The following FBXO3 variants were observed in gnomAD, a reference collection of about 807,000 sequenced individuals.
FBXO3 encodes F-box protein 3.
A neutral mutation model predicts 64.8 loss-of-function variants in FBXO3; 17 were observed. The ratio of observed to expected loss-of-function variants is 0.26; its 90% CI spans 0.18 to 0.39. FBXO3 has a LOEUF of 0.39. Among genes scored for constraint, FBXO3 ranks in the 10% least tolerant of loss-of-function variants. The probability of loss-of-function intolerance (pLI) is 1.00; values close to 1 mark genes in which losing one functional copy is unlikely to be tolerated. For synonymous variants in FBXO3, 182 were observed against 201.6 expected (o/e 0.90, Z 0.82); for missense variants, 420 against 589.9 (o/e 0.71, Z 2.98).
chr11:33,774,396 G>T lies in FBXO3; in HGVS notation c.102C>A (p.Ile34=). The change falls in exon 1 of 11, where the codon ATC becomes ATA. Residue 34 remains isoleucine (I), a splice_region_variant and synonymous_variant. Transcript: ENST00000265651. ...ILSFLDYRDL[I]NCCYVSRRLS... Reference sequence around the variant, plus strand: ...TGCCATGCGTGTCGTCCCATTACTTGATTAGATCCCGATAGTCCAAAAAGG... The same window carrying T: ...TGCCATGCGTGTCGTCCCATTACTTTATTAGATCCCGATAGTCCAAAAAGG... 6.2e-7 allele frequency: 1 copy of T among 1,600,998 alleles called. No individual in the cohort carries two copies. Among genetic ancestry groups the T allele is most frequent in the Non-Finnish European group, 8.5e-7 (1 of 1,173,746 alleles).
intron 3 of FBXO3, among the ~76,000 whole-genome samples, chr11:33,762,450 G>GAC (rs1855266514): frequency 6.6e-6 from 1 of 152,082 alleles, no homozygotes. Flanking sequence ...AGTATATCCT[G>GAC]TGATCACAGT....
At chr11:33,765,229 A>G (rs1211900419) in intron 3 of FBXO3, among the ~76,000 whole-genome samples, 1 of 152,184 alleles carries the variant, frequency 6.6e-6, no homozygotes, top group East Asian at 1.9e-4. Context: ...GTAAAGGGTG[A>G]GGGGTGTATA....
chr11:33,757,929 C>CT (rs1327852841), intron 4 of FBXO3, among the ~76,000 whole-genome samples: 1 of 148,404 alleles, frequency 6.7e-6, no homozygotes, highest in African/African-American at 2.5e-5. Flanking sequence ...ATACTCCAGG[C>CT]TTGGGGACCG....
chr11:33,761,292 ATAATC>A (rs1239781360), intron 3 of FBXO3, among the ~76,000 whole-genome samples: 5 of 152,192 alleles, frequency 3.3e-5, no homozygotes, highest in African/African-American at 7.2e-5. Context: ...AATAGACTAA[ATAATC>A]TAATGAAAAG....
chr11:33,774,446 T>C lies in FBXO3; in HGVS notation c.52A>G (p.Thr18Ala). The C allele has an allele frequency of 6.2e-7, 1 of 1,601,246 alleles. No homozygotes were observed. The highest frequency in any genetic ancestry group is 8.5e-7 in the Non-Finnish European group (1 of 1,174,226). ...TAPLTLESLP[T>A]DPLLLILSFL... ...GATAAGATGAGGAGCAGGGGATCGG[T>C]GGGCAGCGACTCTAGGGTCAGCGGC... Residue 18 changes from threonine to alanine, a missense_variant, in exon 1 of 11, where the codon ACC (threonine) becomes GCC (alanine). Physicochemically the swap from Thr to Ala is moderately conservative, Grantham distance 58. Coordinates refer to ENST00000265651, the MANE Select transcript of FBXO3 (RefSeq NM_012175.4).
chr11:33,757,145 A>T (rs1365040972), intron 4 of FBXO3: 1 of 508,512 alleles, frequency 2.0e-6, no homozygotes, highest in Non-Finnish European at 3.9e-6. Flanking sequence ...TTCTTCACAT[A>T]CAAAGGAACA....
intron 3 of FBXO3, among the ~76,000 whole-genome samples, chr11:33,762,267 T>C (rs968290846): frequency 3.9e-5 from 6 of 152,314 alleles, no homozygotes; most frequent in African/African-American, 1.4e-4. Flanking sequence ...AGTAAGAGTG[T>C]AGAAGATTTG....
intron 5 of FBXO3, among the ~76,000 whole-genome samples, chr11:33,754,932 C>T (rs1323871454): frequency 1.3e-5 from 2 of 149,024 alleles, no homozygotes; most frequent in Non-Finnish European, 3.0e-5. Context: ...GTGGCTCGAT[C>T]TCAGCTCACT....
At chr11:33,773,888 G>T (rs956463602) in intron 1 of FBXO3, 1 of 153,348 alleles carries the variant, frequency 6.5e-6, no homozygotes, top group Non-Finnish European at 1.5e-5. Context: ...CGATTCTGGC[G>T]CTGGGGAAGT....
chr11:33,774,483 C>G lies in FBXO3; in HGVS notation c.15G>C (p.Glu5Asp). MAAMETETAPLTLES... is the reference protein window; with the variant it reads MAAMDTETAPLTLES... Reference sequence around the variant, plus strand: ...CTAGGGTCAGCGGCGCCGTCTCGGTCTCCATGGCCGCCATCTTGCCTGGCC... The same window carrying G: ...CTAGGGTCAGCGGCGCCGTCTCGGTGTCCATGGCCGCCATCTTGCCTGGCC... The change falls in exon 1 of 11, where the codon GAG becomes GAC. Residue 5 changes from glutamate to aspartate, a missense_variant. Coordinates refer to ENST00000265651, the MANE Select transcript of FBXO3 (RefSeq NM_012175.4). The G allele has an allele frequency of 6.4e-7, 1 of 1,573,630 alleles. No homozygotes were observed. The highest frequency in any genetic ancestry group is 2.4e-5 in the East Asian group (1 of 41,682).
Position 33,748,968 on chromosome 11 carries a change from G to C in FBXO3, c.933-76C>G, listed in dbSNP as rs905200201. 9.7e-6 allele frequency: 8 copies of C among 820,698 alleles called. No homozygotes were observed. In the Admixed American group the frequency reaches 1.0e-4, roughly 10 times the overall value. The allele number at this position is 820,698 out of a possible 1,614,324, so 50.8% of individuals were successfully genotyped here. ...TTTGGTTTAAGAGATACAGTATTCA[G>C]GCTAATACTATGAAGAAAAATTTCC... On this transcript the variant is annotated intron_variant, in intron 8 of 10. Transcript: ENST00000265651.
intron 10 of FBXO3, 138 bp downstream of exon 10, chr11:33,746,992 C>T: frequency 6.7e-7 from 1 of 1,486,900 alleles, no homozygotes; most frequent in East Asian, 2.5e-5. Flanking sequence ...AACAAATTCA[C>T]ATGACCCCCA....
intron 4 of FBXO3, among the ~76,000 whole-genome samples, chr11:33,756,275 CTGG>C (rs1401377003): frequency 2.0e-5 from 3 of 152,094 alleles, no homozygotes. Context: ...TATTGATTTG[CTGG>C]TGTTTTGCTA....
rs114813687 is a variant in FBXO3 at position 33,746,736 on chromosome 11, C to T, written c.1239+394G>A. ...AGACTGCCAAAAGTACACATCCACACATTAAATTTTCTTTATAATGATCTT... is the reference window on the plus strand; with the variant it reads ...AGACTGCCAAAAGTACACATCCACATATTAAATTTTCTTTATAATGATCTT... On this transcript the variant is annotated intron_variant, in intron 10 of 10. Transcript: ENST00000265651. 8,225 of 1,422,234 alleles carry T rather than the reference C, an allele frequency of 5.8e-3. 256 individuals carry two copies. In the African/African-American group the frequency reaches 0.083, roughly 14 times the overall value. The allele number at this position is 1,422,234 out of a possible 1,614,324, so 88.1% of individuals were successfully genotyped here.
chr11:33,754,623 T>A, intron 5 of FBXO3, 123 bp from the exon 6 acceptor site: 1 of 710,216 alleles, frequency 1.4e-6, no homozygotes, highest in Non-Finnish European at 2.2e-6. Context: ...GATAAGAAGA[T>A]ATATGGCTTG....
chr11:33,769,860 T>TG (rs1172434369), intron 2 of FBXO3, among the ~76,000 whole-genome samples: 3 of 150,196 alleles, frequency 2.0e-5, no homozygotes, highest in African/African-American at 7.3e-5. Flanking sequence ...GTGGGTTTTT[T>TG]TTTTTTTTTT....
At chr11:33,768,820 A>G (rs1179653675) in intron 3 of FBXO3, 31 bp downstream of exon 3, 6 of 1,613,264 alleles carry the variant, frequency 3.7e-6, no homozygotes, top group Non-Finnish European at 5.1e-6. Context: ...CAGTAATGGA[A>G]ACGGGGAAAG....
rs1855163701 is a variant in FBXO3 at position 33,758,549 on chromosome 11, C to T, written c.411G>A (p.Lys137=). 1 of 1,610,354 alleles carries T rather than the reference C, an allele frequency of 6.2e-7. No homozygotes were observed. Among genetic ancestry groups the T allele is most frequent in the Non-Finnish European group, 8.5e-7 (1 of 1,177,260 alleles). ...ATGAACATCGATAATCGTCAGGAAG[C>T]TTGCAGCCAATCTGCGCTTCCACAG... is the stretch of plus-strand genomic sequence containing the variant. ...LDAVEAQIGC[K]LPDDYRCSYR... Residue 137 remains lysine, a synonymous_variant, in exon 4 of 11, where the codon AAG becomes AAA. Coordinates refer to ENST00000265651, the MANE Select transcript of FBXO3 (RefSeq NM_012175.4).
rs1329437935 is a variant in FBXO3 at position 33,755,757 on chromosome 11, C to G, written c.678+14G>C. On this transcript the variant is annotated intron_variant, in intron 5 of 10. Coordinates refer to ENST00000265651, the MANE Select transcript of FBXO3 (RefSeq NM_012175.4). The stretch of plus-strand genomic sequence containing the variant: ...CACATCTTAATGCCATATTTAAACA[C>G]ACGTTCTACTTACTGGACATTGGTA... 1 of 1,599,026 alleles carries G rather than the reference C, an allele frequency of 6.3e-7. No individual in the cohort carries two copies. Among genetic ancestry groups the G allele is most frequent in the Non-Finnish European group, 8.6e-7 (1 of 1,166,750 alleles).
Sources: gnomAD v4.1 joint callset for allele counts (sites outside exome capture counted in the v4.1 genomes callset) on GRCh38, gnomAD v4.1.1 for gene constraint, MANE v1.5 for transcripts, NCBI Gene and HGNC (gene_info 2026-07-23, HGNC 2026-07-21) for gene names.